Variants in EIF2B3 observed in about 807,000 individuals in gnomAD.
EIF2B3 encodes the protein translation initiation factor eIF2B subunit gamma.
In EIF2B3, 20 loss-of-function variants were observed where a neutral mutation model predicts 54.1. That is an observed-to-expected ratio of 0.37 (90% CI 0.26 to 0.54). EIF2B3 has a LOEUF of 0.54. Among genes scored for constraint, EIF2B3 ranks in the 20% least tolerant of loss-of-function variants. The pLI is 0.86. For synonymous variants in EIF2B3, 153 were observed against 188.1 expected, an observed-to-expected ratio of 0.81 and a Z score of 1.52; for missense variants, 448 against 547.8, an observed-to-expected ratio of 0.82 and a Z score of 1.82.
intron 4 of EIF2B3, among the ~76,000 whole-genome samples, chr1:44,928,500 G>GT (rs113385864): frequency 0.018 from 2,524 of 139,034 alleles, 64 homozygotes; most frequent in African/African-American, 0.057. Context: ...AGGGCGCTTC[G>GT]TTTTTTTTTT....
chr1:44,968,802 C>T (rs2148959032), intron 3 of EIF2B3, among the ~76,000 whole-genome samples: 1 of 151,556 alleles, frequency 6.6e-6, no homozygotes, highest in East Asian at 1.9e-4. Context: ...AAGGCTGAGG[C>T]AGGAGAACTG....
chr1:44,864,580 C>T (rs771162148), intron 10 of EIF2B3, among the ~76,000 whole-genome samples: 6 of 152,012 alleles, frequency 3.9e-5, no homozygotes, highest in Non-Finnish European at 7.4e-5. Context: ...ATTCTTTTAA[C>T]AATTATGTAC....
At chr1:44,932,392 C>T (rs1643904315) in intron 4 of EIF2B3, 1 of 152,092 alleles carries the variant, frequency 6.6e-6, no homozygotes, top group Non-Finnish European at 1.5e-5. Flanking sequence ...CTAGTTAGTA[C>T]TTGCATGGAA....
At chr1:44,958,722 T>A in intron 3 of EIF2B3, 2 of 1,589,398 alleles carry the variant, frequency 1.3e-6, no homozygotes, top group Non-Finnish European at 1.7e-6. Flanking sequence ...CAGTACCCTT[T>A]CTGGAAAGCT....
chr1:44,874,985 C>T (rs1174097374), intron 9 of EIF2B3, among the ~76,000 whole-genome samples, 159 bp from the exon 10 acceptor site: 8 of 152,240 alleles, frequency 5.3e-5, no homozygotes, highest in Admixed American at 4.6e-4. Context: ...GGTCATACAA[C>T]ACCTCTGAGA....
intron 3 of EIF2B3, among the ~76,000 whole-genome samples, chr1:44,967,902 G>A (rs963636773): frequency 1.9e-4 from 29 of 152,054 alleles, no homozygotes; most frequent in African/African-American, 6.5e-4. Flanking sequence ...GTCAGGCGGG[G>A]TGGCACATGC....
rs189706268 is a variant in EIF2B3, at chr1:44,922,352, C to T, written c.566+4276G>A. Among the ~76,000 whole-genome samples the T allele has an allele frequency of 4.5e-3, 683 of 151,050 alleles. 3 individuals are homozygous for T. Among genetic ancestry groups the T allele is most frequent in the East Asian group, 7.9e-3 (40 of 5,058 alleles). On this transcript the variant is annotated intron_variant, in intron 5 of 11. Coordinates refer to ENST00000360403, the MANE Select transcript of EIF2B3 (RefSeq NM_020365.5). ...CTGTAATCTCAGCACTTTGGGAGGCCGAGGCGGGAGGGTCACCTGAGGTCA... is the reference window on the plus strand; with the variant it reads ...CTGTAATCTCAGCACTTTGGGAGGCTGAGGCGGGAGGGTCACCTGAGGTCA...
intron 2 of EIF2B3, among the ~76,000 whole-genome samples, chr1:44,980,632 G>C (rs1396234914): frequency 1.3e-5 from 2 of 152,112 alleles, no homozygotes; most frequent in Non-Finnish European, 2.9e-5. Flanking sequence ...GTACCTCCGT[G>C]TTTAATATAT....
chr1:44,956,429 G>A (rs1644226100), intron 3 of EIF2B3, among the ~76,000 whole-genome samples: 1 of 151,678 alleles, frequency 6.6e-6, no homozygotes, highest in Non-Finnish European at 1.5e-5. Flanking sequence ...TGGGCTGATG[G>A]GTGCAGCAAA....
intron 3 of EIF2B3, among the ~76,000 whole-genome samples, chr1:44,961,548 G>A (rs1644285066): frequency 6.6e-6 from 1 of 152,010 alleles, no homozygotes; most frequent in Non-Finnish European, 1.5e-5. Context: ...AGGTGTGGTG[G>A]TGTGTGCCTG....
At chr1:44,880,461 C>A (rs1252416553) in intron 7 of EIF2B3, among the ~76,000 whole-genome samples, 1 of 152,138 alleles carries the variant, frequency 6.6e-6, no homozygotes, top group Non-Finnish European at 1.5e-5. Context: ...ATAACACAAG[C>A]CAGCATCCAG....
intron 5 of EIF2B3, among the ~76,000 whole-genome samples, chr1:44,918,049 A>G (rs9728837): frequency 0.075 from 10,849 of 144,178 alleles, 1,416 homozygotes; most frequent in African/African-American, 0.27. Flanking sequence ...CTGGGATTAC[A>G]GGCATGAGCC....
At chr1:44,973,225 T>C (rs1354990871) in intron 3 of EIF2B3, among the ~76,000 whole-genome samples, 1 of 152,060 alleles carries the variant, frequency 6.6e-6, no homozygotes, top group Non-Finnish European at 1.5e-5. Flanking sequence ...TGAAAGAGGG[T>C]CTCAAAGAAA....
At chr1:44,864,734 T>C (rs1280954817) in intron 10 of EIF2B3, among the ~76,000 whole-genome samples, 1 of 152,178 alleles carries the variant, frequency 6.6e-6, no homozygotes, top group Non-Finnish European at 1.5e-5. Context: ...GTGACACAGG[T>C]CCTGAGCCCT....
chr1:44,877,239 C>T (rs1655224265), intron 8 of EIF2B3, among the ~76,000 whole-genome samples: 1 of 135,030 alleles, frequency 7.4e-6, no homozygotes, highest in Non-Finnish European at 1.5e-5. Flanking sequence ...AGGTAGAACC[C>T]AGTGCTCAAT....
At chr1:44,983,722 T>TC in intron 1 of EIF2B3, among the ~76,000 whole-genome samples, 1 of 152,054 alleles carries the variant, frequency 6.6e-6, no homozygotes, top group East Asian at 2.0e-4. Flanking sequence ...AAAAAAATTT[T>TC]TTTTTTTGAA....
chr1:44,948,498 T>C (rs1644126697), intron 3 of EIF2B3, among the ~76,000 whole-genome samples: 1 of 152,090 alleles, frequency 6.6e-6, no homozygotes, highest in Non-Finnish European at 1.5e-5. Flanking sequence ...CCTAAAACAG[T>C]GTTTTCCAAA....
chr1:44,959,379 A>G (rs1644261479), intron 3 of EIF2B3: 4 of 542,068 alleles, frequency 7.4e-6, no homozygotes, highest in African/African-American at 1.9e-5. Context: ...AGGGCCTTCA[A>G]AGTAAAAAGA....
chr1:44,897,099 G>A (rs937240023), intron 6 of EIF2B3, among the ~76,000 whole-genome samples: 26 of 152,296 alleles, frequency 1.7e-4, no homozygotes, highest in African/African-American at 5.8e-4. Context: ...ATGGGTTACC[G>A]TTAAGTGTTA....
Sources: gnomAD v4.1 joint callset for allele counts (sites outside exome capture counted in the v4.1 genomes callset) on GRCh38, gnomAD v4.1.1 for gene constraint, MANE v1.5 for transcripts, NCBI Gene and HGNC (gene_info 2026-07-23, HGNC 2026-07-21) for gene names.